CATSPERB: variants seen among roughly 807,000 people sequenced by gnomAD.
The protein encoded by CATSPERB is catsper channel auxiliary subunit beta.
CATSPERB carries 93 observed loss-of-function variants against 128.3 expected under a neutral mutation model. The observed-to-expected ratio is 0.72, with a 90% CI of 0.61 to 0.86. CATSPERB has a LOEUF of 0.86. Ranked by LOEUF, CATSPERB falls within the 40% of genes least tolerant of loss-of-function variation. CATSPERB has a pLI of 0.00. For synonymous variants in CATSPERB, 381 were observed against 448.8 expected, an observed-to-expected ratio of 0.85 and a Z score of 1.91; for missense variants, 1,153 against 1,329.5, an observed-to-expected ratio of 0.87 and a Z score of 2.06.
intron 19 of CATSPERB, among the ~76,000 whole-genome samples, chr14:91,620,671 T>G (rs1894026044): frequency 6.6e-6 from 1 of 152,242 alleles, no homozygotes; most frequent in South Asian, 2.1e-4. Flanking sequence ...GGTCTTTTTT[T>G]TGGCTTAAAA....
intron 20 of CATSPERB, among the ~76,000 whole-genome samples, chr14:91,615,336 G>A (rs1438695947): frequency 6.6e-6 from 1 of 152,138 alleles, no homozygotes; most frequent in Admixed American, 6.5e-5. Context: ...GATCTGAAGT[G>A]GAACAGTTTC....
In CATSPERB at chr14:91,723,064, G is replaced by C; in HGVS notation, c.294C>G (p.His98Gln). ...ATGTAATTACCAACGTTAAATTAAA[G>C]TGGAAGATGCCATTATATGTACTAT... ...IMNSTYNGIF[H>Q]FNLTLFSDRI... The change falls in exon 4 of 27, where the codon CAC becomes CAG. Residue 98 changes from histidine to glutamine, a missense_variant. Coordinates refer to ENST00000256343, the MANE Select transcript of CATSPERB (RefSeq NM_024764.4). 1 of 1,501,988 alleles carries C rather than the reference G, an allele frequency of 6.7e-7. No individual in the cohort carries two copies. Among genetic ancestry groups the C allele is most frequent in the Non-Finnish European group, 8.9e-7 (1 of 1,126,434 alleles). 93.0% of individuals were successfully genotyped at this position (1,501,988 alleles called of 1,614,324 possible).
intron 7 of CATSPERB, among the ~76,000 whole-genome samples, chr14:91,695,506 C>T (rs1001445816): frequency 2.0e-5 from 3 of 152,148 alleles, no homozygotes; most frequent in African/African-American, 7.2e-5. Flanking sequence ...TGCAAAAAAA[C>T]ACTATTTAAT....
chr14:91,639,199 A>G lies in CATSPERB; in HGVS notation c.1484T>C (p.Leu495Ser), dbSNP rs1311969219. The change falls in exon 16 of 27, where the codon TTA (leucine) becomes TCA (serine). Residue 495 changes from leucine (L) to serine (S), a missense_variant. By Grantham distance (145) the Leu-to-Ser change is moderately radical. Transcript: ENST00000256343. ...TAGGAATCCCAAGTGATCATAGTAT[A>G]ATGTGAAAATTCTCTCAGTAACACT... ...VGSVTERIFT[L>S]YYDHLGFLHK... is the part of the protein sequence containing the mutation. 1.2e-6 allele frequency: 2 copies of G among 1,613,892 alleles called. No individual in the cohort carries two copies. Among genetic ancestry groups the G allele is most frequent in the Non-Finnish European group, 1.7e-6 (2 of 1,179,826 alleles).
intron 18 of CATSPERB, 25 bp from the exon 19 acceptor site, chr14:91,621,962 G>A (rs1894056337): frequency 2.7e-6 from 4 of 1,471,338 alleles, no homozygotes; most frequent in Middle Eastern, 1.8e-4. Flanking sequence ...GAAGAGACTT[G>A]GTATTAAATC....
At chr14:91,593,115 G>T (rs977391450) in intron 22 of CATSPERB, among the ~76,000 whole-genome samples, 2 of 152,232 alleles carry the variant, frequency 1.3e-5, no homozygotes, top group African/African-American at 4.8e-5. Context: ...CCTCTGCCTA[G>T]ATTTCAGATG....
At chr14:91,605,464 G>T in intron 22 of CATSPERB, 1 of 444,290 alleles carries the variant, frequency 2.3e-6, no homozygotes, top group Non-Finnish European at 4.0e-6. Context: ...GAAGTGAGTC[G>T]CCGCCACAGT....
chr14:91,583,644 T>C (rs926720153), intron 26 of CATSPERB, among the ~76,000 whole-genome samples: 5 of 152,226 alleles, frequency 3.3e-5, no homozygotes, highest in East Asian at 1.9e-4. Context: ...CTGTTTTAGA[T>C]ACAATGTCTA....
chr14:91,621,141 C>T (rs971259035), intron 19 of CATSPERB, among the ~76,000 whole-genome samples: 4 of 152,168 alleles, frequency 2.6e-5, no homozygotes, highest in Admixed American at 6.5e-5. Flanking sequence ...GTGGCTCACG[C>T]CTGTAATCCC....
intron 18 of CATSPERB, among the ~76,000 whole-genome samples, chr14:91,622,956 G>A (rs185357339): frequency 2.0e-4 from 29 of 148,216 alleles, no homozygotes; most frequent in South Asian, 1.9e-3. Context: ...GTGCAATGGC[G>A]CAATCTTGGC....
At chr14:91,590,308 A>G (rs1243803559) in intron 23 of CATSPERB, among the ~76,000 whole-genome samples, 4 of 152,168 alleles carry the variant, frequency 2.6e-5, no homozygotes, top group Non-Finnish European at 5.9e-5. Context: ...AGGCAGGTGG[A>G]TCACTTGAGG....
intron 22 of CATSPERB, 70 bp downstream of exon 22, chr14:91,608,224 A>G (rs1893749689): frequency 1.1e-6 from 1 of 926,432 alleles, no homozygotes; most frequent in Admixed American, 1.8e-5. Context: ...TTATAGCTAT[A>G]TATATAATTT....
At chr14:91,670,235 T>G (rs1337083815) in intron 13 of CATSPERB, among the ~76,000 whole-genome samples, 1 of 152,202 alleles carries the variant, frequency 6.6e-6, no homozygotes, top group Non-Finnish European at 1.5e-5. Context: ...AGGTTTATTA[T>G]AGAATCACTG....
At chr14:91,606,523 A>C (rs958685604) in intron 22 of CATSPERB, among the ~76,000 whole-genome samples, 1 of 152,236 alleles carries the variant, frequency 6.6e-6, no homozygotes, top group Non-Finnish European at 1.5e-5. Flanking sequence ...AGATCACGCC[A>C]CTGCACTCCA....
chr14:91,663,584 G>A (rs1173480709), intron 14 of CATSPERB, among the ~76,000 whole-genome samples: 1 of 142,692 alleles, frequency 7.0e-6, no homozygotes, highest in Non-Finnish European at 1.5e-5. Context: ...GGCGGAGCTT[G>A]CAGTGAGCCG....
At chr14:91,596,231 T>G (rs992527585) in intron 22 of CATSPERB, among the ~76,000 whole-genome samples, 2 of 151,652 alleles carry the variant, frequency 1.3e-5, no homozygotes, top group Admixed American at 1.3e-4. Context: ...TGAGACAGAG[T>G]CTTACTCTGT....
chr14:91,629,400 T>C (rs1002195869), intron 17 of CATSPERB, among the ~76,000 whole-genome samples: 6 of 152,156 alleles, frequency 3.9e-5, no homozygotes, highest in African/African-American at 1.4e-4. Flanking sequence ...GCATAGAGAA[T>C]TTTTAGGGCA....
intron 3 of CATSPERB, 127 bp downstream of exon 3, chr14:91,724,953 T>C: frequency 2.5e-6 from 1 of 407,364 alleles, no homozygotes. Flanking sequence ...ATTATTTATA[T>C]AGAATTTTCC....
At chr14:91,639,944 C>T (rs973997254) in intron 15 of CATSPERB, among the ~76,000 whole-genome samples, 2 of 144,824 alleles carry the variant, frequency 1.4e-5, no homozygotes, top group Non-Finnish European at 3.0e-5. Context: ...TTTTAGATTA[C>T]TTCTCTCACT....
Sources: allele counts gnomAD v4.1 joint callset (sites outside exome capture counted in the v4.1 genomes callset), GRCh38; gene constraint gnomAD v4.1.1; transcripts MANE v1.5; gene names NCBI Gene and HGNC (gene_info 2026-07-23, HGNC 2026-07-21).